Variants in ST3GAL2 observed in about 807,000 individuals in gnomAD.
ST3GAL2 encodes the protein ST3 beta-galactoside alpha-2,3-sialyltransferase 2.
Under a neutral mutation model 37.5 loss-of-function variants are expected in ST3GAL2, and 16 were observed. The ratio of observed to expected loss-of-function variants is 0.43; its 90% CI spans 0.29 to 0.65. The LOEUF (loss-of-function observed/expected upper bound fraction) is 0.65. Among genes scored for constraint, ST3GAL2 ranks in the 30% least tolerant of loss-of-function variants. The pLI, the probability that ST3GAL2 is intolerant of heterozygous loss-of-function variation, is 0.17. For missense variants in ST3GAL2, 383 were observed against 487.8 expected, an observed-to-expected ratio of 0.79 and a Z score of 2.02; for synonymous variants, 238 against 202.9, an observed-to-expected ratio of 1.17 and a Z score of -1.47.
At chr16:70,426,181 CTTTTTTT>C (rs56342720) in intron 1 of ST3GAL2, among the ~76,000 whole-genome samples, 3 of 99,512 alleles carry the variant, frequency 3.0e-5, no homozygotes, top group Non-Finnish European at 5.6e-5. Flanking sequence ...GGGCCAAAGC[CTTTTTTT>C]TTTTTTTTTT....
chr16:70,394,838 G>A (rs2047504262), intron 3 of ST3GAL2, 144 bp downstream of exon 3: 2 of 888,428 alleles, frequency 2.3e-6, no homozygotes, highest in Non-Finnish European at 3.4e-6. Flanking sequence ...AGAGCTCCAA[G>A]CCTGCTGTGA....
intron 1 of ST3GAL2, among the ~76,000 whole-genome samples, chr16:70,431,985 A>ATATATATATATATATTTTTT (rs1454729972): frequency 7.2e-6 from 1 of 139,014 alleles, no homozygotes; most frequent in African/African-American, 3.2e-5. Context: ...ATATATATAT[A>ATATATATATATATATTTTTT]TTTTTTTTTA....
Position 70,381,369 on chromosome 16 carries a change from G to C in ST3GAL2, c.*320C>G, listed in dbSNP as rs1004959862. ...GCTCTCCTCCTCAGAAAGCGTGAAA[G>C]AAAACCCTAACCCAAAGCATGAGGG... On this transcript the variant is annotated 3_prime_UTR_variant, in exon 7 of 7. Transcript: ENST00000342907. The C allele has an allele frequency of 4.4e-5, 12 of 272,354 alleles. No homozygotes were observed. The highest frequency in any genetic ancestry group is 1.5e-4 in the Admixed American group (3 of 19,920). 16.9% of individuals were successfully genotyped at this position (272,354 alleles called of 1,614,324 possible).
intron 2 of ST3GAL2, among the ~76,000 whole-genome samples, chr16:70,396,025 G>A (rs372022674): frequency 1.1e-4 from 17 of 150,172 alleles, no homozygotes; most frequent in African/African-American, 4.2e-4. Context: ...AGGCTGGAGT[G>A]CAATGGCGCG....
At chr16:70,400,813 T>C (rs944954057) in intron 1 of ST3GAL2, 2 of 152,050 alleles carry the variant, frequency 1.3e-5, no homozygotes, top group African/African-American at 2.4e-5. Context: ...AGATGTGGAG[T>C]TGGCTTCTCA....
chr16:70,376,802 G>C lies in ST3GAL2; in HGVS notation c.*4887C>G, dbSNP rs1322128234. ...CTGTCGCTCAGGCTGGAGTGCAGTG[G>C]CTCAATCTCGGCTCACCACAACTTC... On this transcript the variant is annotated 3_prime_UTR_variant, in exon 7 of 7. Transcript: ENST00000342907. The C allele has an allele frequency of 6.6e-6, 1 of 151,800 alleles. No homozygotes were observed. Among genetic ancestry groups the C allele is most frequent in the Non-Finnish European group, 1.5e-5 (1 of 68,002 alleles). The allele number at this position is 151,800 out of a possible 1,614,324, so 9.4% of individuals were successfully genotyped here.
At chr16:70,416,024 C>T (rs1479331171) in intron 1 of ST3GAL2, among the ~76,000 whole-genome samples, 1 of 152,004 alleles carries the variant, frequency 6.6e-6, no homozygotes, top group Non-Finnish European at 1.5e-5. Flanking sequence ...GATCCACCCA[C>T]CTCGGCCTCC....
At chr16:70,422,785 C>T (rs373357891) in intron 1 of ST3GAL2, among the ~76,000 whole-genome samples, 106 of 152,300 alleles carry the variant, frequency 7.0e-4, no homozygotes, top group Admixed American at 7.2e-4. Context: ...CTGAGGTCTC[C>T]TCTTAAGTCA....
In ST3GAL2 at chr16:70,382,862, C is replaced by T. The variant is rs2047415785; in HGVS notation, c.822G>A (p.Gly274=). Residue 274 remains glycine, a synonymous_variant, in exon 6 of 7, where the codon GGG becomes GGA. Transcript: ENST00000342907. ...YIHDRWTEHH[G]RYPSTGMLVL... ...CCAGCATCCCCGTGGAAGGGTACCGCCCGTGATGCTCTGTCCACCTGTCGT... is the reference window on the plus strand; with the variant it reads ...CCAGCATCCCCGTGGAAGGGTACCGTCCGTGATGCTCTGTCCACCTGTCGT... The T allele has an allele frequency of 1.2e-6, 2 of 1,614,006 alleles. No homozygotes were observed. Among genetic ancestry groups the T allele is most frequent in the South Asian group, 2.2e-5 (2 of 91,088 alleles).
At chr16:70,405,560 A>AG (rs1164288663) in intron 1 of ST3GAL2, among the ~76,000 whole-genome samples, 1 of 120,352 alleles carries the variant, frequency 8.3e-6, no homozygotes, top group Non-Finnish European at 1.8e-5. Flanking sequence ...AAAAAAAAAA[A>AG]AAAAAAGGAA....
chr16:70,398,399 C>A lies in ST3GAL2; in HGVS notation c.132G>T (p.Gly44=). 1.2e-6 allele frequency: 2 copies of A among 1,613,686 alleles called. No homozygotes were observed. The highest frequency in any genetic ancestry group is 2.2e-5 in the South Asian group (2 of 91,088). The change falls in exon 2 of 7, where the codon GGG becomes GGT. Residue 44 remains glycine, a synonymous_variant. Coordinates refer to ENST00000342907, the MANE Select transcript of ST3GAL2 (RefSeq NM_006927.4). ...CGGGCACCAGCTTCACCCGGTGCGT[C>A]CCATCCAGGGCCCCTGAGTCCAGGT... ...LPYLDSGALD[G]THRVKLVPGY... is the part of the protein sequence containing the mutation.
intron 1 of ST3GAL2, among the ~76,000 whole-genome samples, chr16:70,408,276 C>G (rs2047607638): frequency 6.6e-6 from 1 of 152,144 alleles, no homozygotes; most frequent in African/African-American, 2.4e-5. Flanking sequence ...AAGCACTCTT[C>G]CACTAACTGG....
intron 1 of ST3GAL2, among the ~76,000 whole-genome samples, chr16:70,405,189 A>G (rs987358567): frequency 1.3e-5 from 2 of 152,188 alleles, no homozygotes; most frequent in South Asian, 4.1e-4. Context: ...TATAAAAAGG[A>G]ATCAAGTTCT....
rs913514959 is a variant in ST3GAL2, at chr16:70,399,029, G to A, written c.-499C>T. On this transcript the variant is annotated 5_prime_UTR_variant, in exon 2 of 7. Coordinates refer to ENST00000342907, the MANE Select transcript of ST3GAL2 (RefSeq NM_006927.4). The stretch of plus-strand genomic sequence containing the variant: ...CTCCAATCACAACAGAGAGCACAGG[G>A]GCTTCAGGGGACTTGGGTTCCATGC... The A allele has an allele frequency of 2.5e-6, 1 of 404,456 alleles. No homozygotes were observed. The allele number at this position is 404,456 out of a possible 1,614,324, so 25.1% of individuals were successfully genotyped here. A position where few individuals can be genotyped will look rare whatever the true frequency, so the allele number is the denominator to read the frequency against.
rs369750955 is a variant in ST3GAL2, at chr16:70,427,688, CATCT to C, written c.-1004+11257_-1004+11260del. ...AATTTCTGGGAAAGGAACCCCCATC[CATCT>C]AAGCCTGAAATGTAAGAGTCATATG... On this transcript the variant is annotated intron_variant, in intron 1 of 6. Coordinates refer to ENST00000342907, the MANE Select transcript of ST3GAL2 (RefSeq NM_006927.4). Among the ~76,000 whole-genome samples the C allele has an allele frequency of 4.8e-3, 737 of 152,316 alleles. 3 individuals carry two copies. The highest frequency in any genetic ancestry group is 0.017 in the African/African-American group (702 of 41,578).
chr16:70,431,061 A>G (rs947036694), intron 1 of ST3GAL2, among the ~76,000 whole-genome samples: 4 of 145,302 alleles, frequency 2.8e-5, no homozygotes, highest in African/African-American at 1.0e-4. Flanking sequence ...GCAAACAAAA[A>G]GGAAGCCTGC....
intron 6 of ST3GAL2, 81 bp downstream of exon 6, chr16:70,382,724 C>A: frequency 6.3e-7 from 1 of 1,590,122 alleles, no homozygotes; most frequent in South Asian, 1.1e-5. Context: ...GCACATTCCT[C>A]TGTTAGCCTG....
At chr16:70,386,633 G>A (rs1341128686) in intron 4 of ST3GAL2, among the ~76,000 whole-genome samples, 4 of 151,778 alleles carry the variant, frequency 2.6e-5, no homozygotes, top group African/African-American at 7.3e-5. Context: ...CACCATGCCC[G>A]GCCAAAAATT....
At chr16:70,406,069 A>G (rs937614627) in intron 1 of ST3GAL2, among the ~76,000 whole-genome samples, 2 of 151,740 alleles carry the variant, frequency 1.3e-5, no homozygotes, top group African/African-American at 2.4e-5. Context: ...TCAAAAAAAA[A>G]AAAAGCCACT....
Sources: gnomAD v4.1 joint callset for allele counts (sites outside exome capture counted in the v4.1 genomes callset) on GRCh38, gnomAD v4.1.1 for gene constraint, MANE v1.5 for transcripts, NCBI Gene and HGNC (gene_info 2026-07-23, HGNC 2026-07-21) for gene names.